STARD4: variants seen among roughly 807,000 people sequenced by gnomAD.
STARD4 encodes the protein stAR-related lipid transfer protein 4.
Under a neutral mutation model 24.9 loss-of-function variants are expected in STARD4, and 33 were observed. The ratio of observed to expected loss-of-function variants is 1.32; its 90% confidence interval spans 1.00 to 1.77. STARD4 has a LOEUF of 1.77. Among genes scored for constraint, STARD4 ranks in the 40% most tolerant of loss-of-function variants. The pLI, the probability that STARD4 is intolerant of heterozygous loss-of-function variation, is 0.00. For missense variants in STARD4, 238 were observed against 249.3 expected, an observed-to-expected ratio of 0.95 and a Z score of 0.31; for synonymous variants, 88 against 77.4, an observed-to-expected ratio of 1.14 and a Z score of -0.72.
In STARD4 at chr5:111,500,078, T is replaced by G; in HGVS notation, c.426A>C (p.Arg142Ser). The G allele has an allele frequency of 1.9e-6, 3 of 1,613,226 alleles. No homozygotes were observed. Among genetic ancestry groups the G allele is most frequent in the Non-Finnish European group, 2.5e-6 (3 of 1,179,286 alleles). Residue 142 changes from arginine to serine, a missense_variant, in exon 6 of 6, where the codon AGA becomes AGC. Coordinates refer to ENST00000296632, the MANE Select transcript of STARD4 (RefSeq NM_139164.3). ...CGISLDWDEK[R>S]PEFVRGYNHP... Reference sequence around the variant, plus strand: ...GGTTATATCCTCGAACAAATTCTGGTCTCTTTTCATCCCAGTCAAGACTTA... The same window carrying G: ...GGTTATATCCTCGAACAAATTCTGGGCTCTTTTCATCCCAGTCAAGACTTA...
chr5:111,502,854 C>A (rs375456283), intron 3 of STARD4, among the ~76,000 whole-genome samples: 3 of 150,644 alleles, frequency 2.0e-5, no homozygotes, highest in African/African-American at 7.3e-5. Flanking sequence ...ATCCCAATAA[C>A]TTTTCTGATA....
chr5:111,500,015 G>A lies in STARD4; in HGVS notation c.489C>T (p.Asn163=). ...CGWFCVPLKD[N]PNQSLLTGYI... is the part of the protein sequence containing the mutation. ...ATCCTGTCAAAAGACTCTGGTTTGGGTTGTCTTTAAGTGGAACACAAAACC... is the reference window on the plus strand; with the variant it reads ...ATCCTGTCAAAAGACTCTGGTTTGGATTGTCTTTAAGTGGAACACAAAACC... The change falls in exon 6 of 6, where the codon AAC becomes AAT. Residue 163 remains asparagine, a synonymous_variant. Transcript: ENST00000296632. 1 of 1,614,114 alleles carries A rather than the reference G, an allele frequency of 6.2e-7. No homozygotes were observed. The highest frequency in any genetic ancestry group is 8.5e-7 in the Non-Finnish European group (1 of 1,180,022).
intron 1 of STARD4, among the ~76,000 whole-genome samples, chr5:111,510,901 G>A (rs1349387520): frequency 6.6e-6 from 1 of 152,166 alleles, no homozygotes; most frequent in Non-Finnish European, 1.5e-5. Context: ...TTGGACTTTT[G>A]TAGTACGACT....
Position 111,496,619 on chromosome 5 carries a change from C to CTTAAA in STARD4, c.*3262_*3266dup, listed in dbSNP as rs1756110650. The CTTAAA allele has an allele frequency of 1.3e-5, 2 of 152,080 alleles. No homozygotes were observed. The allele number at this position is 152,080 out of a possible 1,614,324, so 9.4% of individuals were successfully genotyped here. ...TAAAAGCTCAACAGACAATTAAGGG[C>CTTAAA]TTAAATTATACAATGTTTTCCCATC... On this transcript the variant is annotated 3_prime_UTR_variant, in exon 6 of 6. Coordinates refer to ENST00000296632, the MANE Select transcript of STARD4 (RefSeq NM_139164.3).
At position 111,500,087 on chromosome 5, in the gene STARD4, A is replaced by G. The variant is rs757881789; in HGVS notation, c.417T>C (p.Asp139=). The G allele has an allele frequency of 6.2e-7, 1 of 1,612,610 alleles. No homozygotes were observed. Among genetic ancestry groups the G allele is most frequent in the South Asian group, 1.1e-5 (1 of 91,010 alleles). The stretch of plus-strand genomic sequence containing the variant: ...CTCGAACAAATTCTGGTCTCTTTTC[A>G]TCCCAGTCAAGACTTATTCCTATAA... ...LLSCGISLDW[D]EKRPEFVRGY... The change falls in exon 6 of 6, where the codon GAT becomes GAC. Residue 139 remains aspartate (D), a synonymous_variant. Coordinates refer to ENST00000296632, the MANE Select transcript of STARD4 (RefSeq NM_139164.3).
chr5:111,497,137 C>G lies in STARD4; in HGVS notation c.*2749G>C, dbSNP rs1007542649. ...TACACAAGTTTCTAATACGTACTAC[C>G]TACAAGCTACAGAATAGTCAACCAT... On this transcript the variant is annotated 3_prime_UTR_variant, in exon 6 of 6. Transcript: ENST00000296632. 3 of 151,966 alleles carry G rather than the reference C, an allele frequency of 2.0e-5. No individual in the cohort carries two copies. The highest frequency in any genetic ancestry group is 7.2e-5 in the African/African-American group (3 of 41,426). The allele number at this position is 151,966 out of a possible 1,614,324, so 9.4% of individuals were successfully genotyped here.
At position 111,500,042 on chromosome 5, in the gene STARD4, A is replaced by G; in HGVS notation, c.462T>C (p.Gly154=). 6.2e-7 allele frequency: 1 copy of G among 1,614,196 alleles called. No homozygotes were observed. Among genetic ancestry groups the G allele is most frequent in the Non-Finnish European group, 8.5e-7 (1 of 1,180,016 alleles). ...EFVRGYNHPC[G]WFCVPLKDNP... is the part of the protein sequence containing the mutation. ...TGTCTTTAAGTGGAACACAAAACCAACCACAGGGATGGTTATATCCTCGAA... is the reference window on the plus strand; with the variant it reads ...TGTCTTTAAGTGGAACACAAAACCAGCCACAGGGATGGTTATATCCTCGAA... Residue 154 remains glycine, a synonymous_variant, in exon 6 of 6, where the codon GGT becomes GGC. Coordinates refer to ENST00000296632, the MANE Select transcript of STARD4 (RefSeq NM_139164.3).
chr5:111,499,762 G>C lies in STARD4; in HGVS notation c.*124C>G. The C allele has an allele frequency of 1.2e-6, 1 of 858,910 alleles. No individual in the cohort carries two copies. The highest frequency in any genetic ancestry group is 1.8e-6 in the Non-Finnish European group (1 of 555,642). The allele number at this position is 858,910 out of a possible 1,614,324, so 53.2% of individuals were successfully genotyped here. ...AGGAATAAAACCAAACATTGTACTAGTGAACCAAAAACATTTCAAATTTTT... is the reference window on the plus strand; with the variant it reads ...AGGAATAAAACCAAACATTGTACTACTGAACCAAAAACATTTCAAATTTTT... On this transcript the variant is annotated 3_prime_UTR_variant, in exon 6 of 6. Transcript: ENST00000296632.
At chr5:111,500,555 T>C in intron 5 of STARD4, 6 of 1,070,342 alleles carry the variant, frequency 5.6e-6, no homozygotes, top group Non-Finnish European at 6.8e-6. Flanking sequence ...AATTTACCTA[T>C]AGGTACGTTT....
chr5:111,508,526 C>G (rs1461031486), intron 1 of STARD4, among the ~76,000 whole-genome samples: 1 of 152,072 alleles, frequency 6.6e-6, no homozygotes, highest in Non-Finnish European at 1.5e-5. Context: ...GTAAAGTTGC[C>G]CATTACAGAA....
rs1756956633 is a variant in STARD4, at chr5:111,507,536, A to T, written c.-9-94T>A. The T allele has an allele frequency of 1.2e-6, 1 of 832,606 alleles. No homozygotes were observed. Among genetic ancestry groups the T allele is most frequent in the Admixed American group, 2.6e-5 (1 of 38,362 alleles). The allele number at this position is 832,606 out of a possible 1,614,324, so 51.6% of individuals were successfully genotyped here. ...ATCTGGTTTCACAATATAATAACCT[A>T]CCAGAGCTATAAAAGATAGCTACCC... On this transcript the variant is annotated intron_variant, in intron 1 of 5. Coordinates refer to ENST00000296632, the MANE Select transcript of STARD4 (RefSeq NM_139164.3). The surrounding 1 kb of genome is among the most constrained non-coding windows in gnomAD (Gnocchi z 4.4).
At chr5:111,500,916 ATC>A (rs756056905) in intron 5 of STARD4, 84 bp downstream of exon 5, 19 of 1,608,214 alleles carry the variant, frequency 1.2e-5, no homozygotes, top group African/African-American at 2.7e-5. Context: ...TTGAAAATAT[ATC>A]TCACAAGGAA....
chr5:111,500,241 C>A, intron 5 of STARD4, 135 bp from the exon 6 acceptor site: 1 of 1,368,168 alleles, frequency 7.3e-7, no homozygotes. Flanking sequence ...CCAAAGTGAC[C>A]ATGGCAGAGT....
chr5:111,506,335 T>C lies in STARD4; in HGVS notation c.150A>G (p.Gly50=), dbSNP rs377260389. ...VWRKPSEEFN[G]YLYKAQGVID... ...GTCTATAAAAAGTTACTTACAGATA[T>C]CCATTAAATTCTTCTGAGGGTTTTC... Residue 50 remains glycine (G), a synonymous_variant, in exon 3 of 6, where the codon GGA becomes GGG. Coordinates refer to ENST00000296632, the MANE Select transcript of STARD4 (RefSeq NM_139164.3). The C allele has an allele frequency of 1.5e-4, 217 of 1,491,314 alleles. 1 individual carries two copies. The highest frequency in any genetic ancestry group is 1.9e-4 in the Non-Finnish European group (203 of 1,086,164). The allele number at this position is 1,491,314 out of a possible 1,614,324, so 92.4% of individuals were successfully genotyped here. A position where few individuals can be genotyped will look rare whatever the true frequency, so the allele number is the denominator to read the frequency against.
Position 111,501,249 on chromosome 5 carries a change from AT to A in STARD4, c.283-134del, listed in dbSNP as rs1256056590. On this transcript the variant is annotated intron_variant, in intron 4 of 5. Coordinates refer to ENST00000296632, the MANE Select transcript of STARD4 (RefSeq NM_139164.3). ...CATAATTATAATAATTCTTACACTG[AT>A]TCTGACAGGTCTAGATCTCTATTCT... 5 of 987,850 alleles carry A rather than the reference AT, an allele frequency of 5.1e-6. 1 individual carries two copies. The highest frequency in any genetic ancestry group is 7.0e-6 in the Non-Finnish European group (5 of 713,730). 61.2% of individuals were successfully genotyped at this position (987,850 alleles called of 1,614,324 possible).
intron 4 of STARD4, 101 bp downstream of exon 4, chr5:111,501,861 A>AT (rs1756475418): frequency 6.8e-7 from 1 of 1,480,004 alleles, no homozygotes; most frequent in African/African-American, 1.4e-5. Flanking sequence ...AAAGCAATGA[A>AT]TATAAGTGTG....
Position 111,498,763 on chromosome 5 carries a change from C to A in STARD4, c.*1123G>T, listed in dbSNP as rs1202192897. ...ACCATGAACATTGTGCTGCTGCCAC[C>A]TTTTGTTTTTTGAAATCTATCATCA... On this transcript the variant is annotated 3_prime_UTR_variant, in exon 6 of 6. Coordinates refer to ENST00000296632, the MANE Select transcript of STARD4 (RefSeq NM_139164.3). The A allele has an allele frequency of 6.6e-6, 1 of 152,044 alleles. No individual in the cohort carries two copies. The highest frequency in any genetic ancestry group is 1.5e-5 in the Non-Finnish European group (1 of 67,988). The allele number at this position is 152,044 out of a possible 1,614,324, so 9.4% of individuals were successfully genotyped here.
chr5:111,500,291 G>A, intron 5 of STARD4, 185 bp from the exon 6 acceptor site: 2 of 1,333,016 alleles, frequency 1.5e-6, no homozygotes, highest in African/African-American at 1.5e-5. Flanking sequence ...ACAAGAGGTT[G>A]GCAGATAGGT....
chr5:111,508,014 A>G (rs1298630318), intron 1 of STARD4, among the ~76,000 whole-genome samples: 2 of 152,138 alleles, frequency 1.3e-5, no homozygotes, highest in Non-Finnish European at 2.9e-5. Context: ...CATTGTCTAC[A>G]GTATTCTACA....
Sources: gnomAD v4.1 joint callset for allele counts (sites outside exome capture counted in the v4.1 genomes callset) on GRCh38, gnomAD v4.1.1 for gene constraint, Gnocchi (gnomAD v3.1) non-coding constraint, MANE v1.5 for transcripts, NCBI Gene and HGNC (gene_info 2026-07-23, HGNC 2026-07-21) for gene names.